PCDH11X: variants seen among roughly 807,000 people sequenced by gnomAD.
The protein encoded by PCDH11X is protocadherin 11 X-linked.
In PCDH11X, 18 loss-of-function variants were observed where a neutral mutation model predicts 53.3. The observed-to-expected ratio is 0.34, with a 90% CI of 0.23 to 0.50. The LOEUF (loss-of-function observed/expected upper bound fraction) is 0.50, where lower values mean the gene tolerates loss of function less well. PCDH11X is among the 20% of genes least tolerant of loss of function. The pLI is 0.98. For missense variants in PCDH11X, 570 were observed against 1,032.4 expected (o/e 0.55, Z 6.14); for synonymous variants, 279 against 393.3 (o/e 0.71, Z 3.44).
intron 10 of PCDH11X, among the ~76,000 whole-genome samples, chrX:92,495,931 C>G (rs1358434000): frequency 9.7e-6 from 1 of 103,510 alleles, no homozygotes; most frequent in Non-Finnish European, 1.9e-5. Flanking sequence ...GAATACAATT[C>G]AAAATGAGAT....
chrX:92,218,400 C>T (rs965701691), intron 7 of PCDH11X, among the ~76,000 whole-genome samples: 3 of 111,573 alleles, frequency 2.7e-5, no homozygotes, highest in Non-Finnish European at 5.6e-5. Flanking sequence ...AAACTACCAT[C>T]AGAGAATACT....
chrX:92,377,121 T>A (rs1022367461), intron 8 of PCDH11X, among the ~76,000 whole-genome samples: 2 of 111,700 alleles, frequency 1.8e-5, no homozygotes, highest in Non-Finnish European at 3.8e-5. Context: ...ACAACACTAG[T>A]CTTTTAAAAT....
intron 8 of PCDH11X, among the ~76,000 whole-genome samples, chrX:92,317,892 A>G (rs1439977755): frequency 5.4e-5 from 6 of 111,476 alleles, no homozygotes; most frequent in Non-Finnish European, 1.1e-4. Flanking sequence ...ATAATGTTAG[A>G]CTTAAAAGAC....
At chrX:91,780,869 G>A (rs1935112057) in intron 1 of PCDH11X, among the ~76,000 whole-genome samples, 1 of 112,750 alleles carries the variant, frequency 8.9e-6, no homozygotes, top group Non-Finnish European at 1.9e-5. Context: ...CACTTTCTCA[G>A]AGTGTATAGC....
intron 6 of PCDH11X, among the ~76,000 whole-genome samples, chrX:92,070,966 AT>A (rs60055726): frequency 0.29 from 29,838 of 102,268 alleles, 4,350 homozygotes; most frequent in East Asian, 0.86. Flanking sequence ...CACGCAGCTA[AT>A]TTTTTTTTTT....
chrX:92,389,833 CTT>C (rs760090937), intron 9 of PCDH11X, among the ~76,000 whole-genome samples: 2 of 104,306 alleles, frequency 1.9e-5, no homozygotes, highest in African/African-American at 7.0e-5. Flanking sequence ...TACTTAGGGG[CTT>C]TTTTTTTTAA....
chrX:92,557,984 G>A (rs1160871649), intron 10 of PCDH11X, among the ~76,000 whole-genome samples: 1 of 110,186 alleles, frequency 9.1e-6, no homozygotes, highest in Non-Finnish European at 1.9e-5. Flanking sequence ...CTGAGCAAAG[G>A]GGGAAAAGCC....
intron 10 of PCDH11X, among the ~76,000 whole-genome samples, chrX:92,615,719 C>T (rs948161489): frequency 2.7e-5 from 3 of 109,642 alleles, no homozygotes; most frequent in African/African-American, 1.0e-4. Context: ...CAGTCCTTGG[C>T]CTGGGCAAAT....
In PCDH11X at chrX:92,403,329, GTTTTTTTTTGT is replaced by G. The variant is rs1469944333; in HGVS notation, c.3343+15406_3343+15416del. Among the ~76,000 whole-genome samples, 9 of 58,801 alleles carry G rather than the reference GTTTTTTTTTGT, an allele frequency of 1.5e-4. No homozygotes were observed. In the South Asian group the frequency reaches 5.2e-3, roughly 34 times the overall value. 51.1% of individuals were successfully genotyped at this position (58,801 alleles called of 115,157 possible). ...CTGGGATATGTGTCCGGGCATTTAC[GTTTTTTTTTGT>G]TTTTTTTTTTTTTTTTTTTTGTAGA... On this transcript the variant is annotated intron_variant, in intron 9 of 10. Coordinates refer to ENST00000682573, the MANE Select transcript of PCDH11X (RefSeq NM_032968.5).
chrX:92,110,057 A>T (rs1482558985), intron 6 of PCDH11X, among the ~76,000 whole-genome samples: 1 of 112,355 alleles, frequency 8.9e-6, no homozygotes, highest in Non-Finnish European at 1.9e-5. Flanking sequence ...TTACTTCATA[A>T]TTGAAATAGC....
At chrX:91,945,883 C>T (rs1164433945) in intron 6 of PCDH11X, among the ~76,000 whole-genome samples, 3 of 110,306 alleles carry the variant, frequency 2.7e-5, no homozygotes, top group Non-Finnish European at 3.8e-5. Flanking sequence ...AGTTGCGCTG[C>T]CAGATTTCAG....
At chrX:91,791,190 A>G in intron 1 of PCDH11X, among the ~76,000 whole-genome samples, 2 of 111,105 alleles carry the variant, frequency 1.8e-5, no homozygotes, top group Non-Finnish European at 3.8e-5. Flanking sequence ...GCTAGTGCCC[A>G]TGTGGGTATG....
intron 7 of PCDH11X, among the ~76,000 whole-genome samples, chrX:92,256,856 C>A (rs920366598): frequency 2.7e-5 from 3 of 111,138 alleles, no homozygotes; most frequent in African/African-American, 9.8e-5. Context: ...ATAATGGCTT[C>A]CAGCTCCATC....
At chrX:92,518,618 A>G (rs966420201) in intron 10 of PCDH11X, among the ~76,000 whole-genome samples, 5 of 111,187 alleles carry the variant, frequency 4.5e-5, no homozygotes, top group African/African-American at 1.6e-4. Context: ...AAGGTAGAAT[A>G]ATCAGGGCCT....
intron 6 of PCDH11X, among the ~76,000 whole-genome samples, chrX:92,175,020 G>C (rs764313807): frequency 5.4e-5 from 6 of 110,854 alleles, no homozygotes; most frequent in Admixed American, 9.7e-5. Context: ...TTGTTGCCCA[G>C]GTTTGAGTGC....
At chrX:91,973,863 C>T (rs1353962182) in intron 6 of PCDH11X, among the ~76,000 whole-genome samples, 2 of 110,966 alleles carry the variant, frequency 1.8e-5, no homozygotes, top group Admixed American at 1.9e-4. Context: ...GATCCACCCG[C>T]CTTGGCCTCC....
chrX:92,261,935 C>G lies in PCDH11X; in HGVS notation c.3115-1179C>G, dbSNP rs764305159. Among the ~76,000 whole-genome samples, 11 of 111,299 alleles carry G rather than the reference C, an allele frequency of 9.9e-5. 1 individual carries two copies. In the South Asian group the frequency reaches 3.4e-3, roughly 34 times the overall value. ...ATCATTGAGCCATTGATGGTTGAAT[C>G]TGATCGATGCAGAGAGATTATAAGA... On this transcript the variant is annotated intron_variant, in intron 7 of 10. Transcript: ENST00000682573.
At chrX:92,317,020 A>C (rs1462566751) in intron 8 of PCDH11X, among the ~76,000 whole-genome samples, 2 of 111,669 alleles carry the variant, frequency 1.8e-5, no homozygotes, top group Non-Finnish European at 3.8e-5. Flanking sequence ...TTTCAAAAAA[A>C]ATTGCGGTCA....
At chrX:92,033,958 T>C (rs1211002998) in intron 6 of PCDH11X, among the ~76,000 whole-genome samples, 1 of 110,742 alleles carries the variant, frequency 9.0e-6, no homozygotes, top group African/African-American at 3.3e-5. Context: ...GTGTTTTTAT[T>C]ATCATTTGTT....
Sources: gnomAD v4.1 joint callset for allele counts (sites outside exome capture counted in the v4.1 genomes callset) on GRCh38, gnomAD v4.1.1 for gene constraint, MANE v1.5 for transcripts, NCBI Gene and HGNC (gene_info 2026-07-23, HGNC 2026-07-21) for gene names.